The following UNC13C variants were observed in gnomAD, a reference collection of about 807,000 sequenced individuals.
UNC13C encodes the protein protein unc-13 homolog C.
A neutral mutation model predicts 245.4 loss-of-function variants in UNC13C; 174 were observed. The observed-to-expected ratio is 0.71, with a 90% CI of 0.63 to 0.80. The LOEUF (loss-of-function observed/expected upper bound fraction) is 0.80. UNC13C is among the 30% of genes least tolerant of loss of function. UNC13C has a pLI of 0.00. For synonymous variants in UNC13C, 992 were observed against 895.1 expected (o/e 1.11, Z -1.93); for missense variants, 2,829 against 2,602.9 (o/e 1.09, Z -1.89).
intron 19 of UNC13C, among the ~76,000 whole-genome samples, chr15:54,427,129 T>G (rs72734796): frequency 0.019 from 2,816 of 151,914 alleles, 43 homozygotes; most frequent in Non-Finnish European, 0.03. Context: ...AATTTCTTCC[T>G]TTACTATTGA....
At chr15:54,450,151 C>G (rs1282751299) in intron 19 of UNC13C, among the ~76,000 whole-genome samples, 1 of 152,124 alleles carries the variant, frequency 6.6e-6, no homozygotes, top group Non-Finnish European at 1.5e-5. Context: ...AGAGGGCTAC[C>G]CAGCCACGAT....
At chr15:54,612,358 ATTTC>A (rs1900152865) in intron 30 of UNC13C, among the ~76,000 whole-genome samples, 1 of 152,006 alleles carries the variant, frequency 6.6e-6, no homozygotes, top group East Asian at 1.9e-4. Flanking sequence ...TGAATTGTCT[ATTTC>A]TTTCTTCATT....
the UNC13C span, chr15:53,914,520 G>C: frequency 6.6e-6 from 1 of 152,142 alleles, no homozygotes; most frequent in East Asian, 1.9e-4. Context: ...AGCTTGGATT[G>C]CTTGTGCCCA....
At chr15:54,120,035 C>G (rs999973138) in intron 2 of UNC13C, among the ~76,000 whole-genome samples, 1 of 152,188 alleles carries the variant, frequency 6.6e-6, no homozygotes, top group Non-Finnish European at 1.5e-5. Context: ...GAAACAAGTG[C>G]TTATGCAGAA....
At chr15:54,616,637 A>G (rs2141299747) in intron 30 of UNC13C, among the ~76,000 whole-genome samples, 1 of 152,234 alleles carries the variant, frequency 6.6e-6, no homozygotes, top group South Asian at 2.1e-4. Flanking sequence ...AAGAAAGATG[A>G]TGTTTTTATA....
At chr15:54,607,402 G>C (rs1899825313) in intron 30 of UNC13C, among the ~76,000 whole-genome samples, 1 of 152,116 alleles carries the variant, frequency 6.6e-6, no homozygotes, top group Admixed American at 6.6e-5. Context: ...ACATTCTTTA[G>C]AAAGAAAAAA....
intron 10 of UNC13C, among the ~76,000 whole-genome samples, chr15:54,286,736 T>C (rs2037160031): frequency 6.6e-6 from 1 of 152,250 alleles, no homozygotes; most frequent in Admixed American, 6.5e-5. Flanking sequence ...CAAAAGGAAA[T>C]TGGCCAAATA....
intron 2 of UNC13C, among the ~76,000 whole-genome samples, chr15:54,112,110 A>G (rs1281103186): frequency 6.6e-6 from 1 of 152,156 alleles, no homozygotes; most frequent in East Asian, 1.9e-4. Flanking sequence ...TCTACTTTCT[A>G]AAAGAAGGAA....
intron 4 of UNC13C, among the ~76,000 whole-genome samples, chr15:54,198,429 C>T (rs114193407): frequency 0.015 from 2,208 of 152,246 alleles, 65 homozygotes; most frequent in African/African-American, 0.05. Flanking sequence ...TAAACAAAAA[C>T]ACAACCAAGG....
chr15:54,056,106 C>T (rs570669549), intron 2 of UNC13C, among the ~76,000 whole-genome samples: 39 of 152,154 alleles, frequency 2.6e-4, no homozygotes, highest in East Asian at 1.2e-3. Flanking sequence ...CAAAGCTGGA[C>T]GGAGAATGAC....
At position 54,499,558 on chromosome 15, in the gene UNC13C, T is replaced by C. The variant is rs965464983; in HGVS notation, c.5061-521T>C. The stretch of plus-strand genomic sequence containing the variant: ...AAAGGGTGTTCTAAATAAATGGTGC[T>C]AGATCAACTGGGCACACATACAGAA... On this transcript the variant is annotated intron_variant, in intron 20 of 32. Transcript: ENST00000260323. 3.6e-4 allele frequency among the ~76,000 whole-genome samples: 55 copies of C among 152,226 alleles called. 1 individual carries two copies. The highest frequency in any genetic ancestry group is 5.2e-4 in the Admixed American group (8 of 15,258).
At chr15:53,983,226 T>C (rs1049464235) in intron 1 of UNC13C, among the ~76,000 whole-genome samples, 4 of 152,104 alleles carry the variant, frequency 2.6e-5, no homozygotes, top group African/African-American at 7.2e-5. Context: ...TGTGGAACAA[T>C]GCTTTTAAAA....
At chr15:54,063,768 T>G (rs969380735) in intron 2 of UNC13C, among the ~76,000 whole-genome samples, 1 of 152,204 alleles carries the variant, frequency 6.6e-6, no homozygotes, top group Non-Finnish European at 1.5e-5. Context: ...TCCACAAATC[T>G]TTTTGGTGCA....
At chr15:53,871,163 G>A in the UNC13C span, among the ~76,000 whole-genome samples, 1 of 152,004 alleles carries the variant, frequency 6.6e-6, no homozygotes, top group South Asian at 2.1e-4. Context: ...GCTGATATGG[G>A]TCCTGAATGT....
chr15:54,474,478 T>C (rs1289220683), intron 19 of UNC13C, among the ~76,000 whole-genome samples: 3 of 151,874 alleles, frequency 2.0e-5, no homozygotes, highest in Non-Finnish European at 4.4e-5. Flanking sequence ...GTCATTTTTT[T>C]TGAGAAATTA....
intron 4 of UNC13C, among the ~76,000 whole-genome samples, chr15:54,231,773 C>A (rs939107687): frequency 1.3e-5 from 2 of 151,970 alleles, no homozygotes; most frequent in East Asian, 1.9e-4. Context: ...TCTTATCAGA[C>A]CTTACCTTTA....
intron 17 of UNC13C, among the ~76,000 whole-genome samples, chr15:54,377,968 C>T (rs529007233): frequency 1.3e-5 from 2 of 152,090 alleles, no homozygotes; most frequent in Non-Finnish European, 1.5e-5. Flanking sequence ...TTAACAAATG[C>T]ACAGGGCATG....
At chr15:53,955,454 G>T in the UNC13C span, among the ~76,000 whole-genome samples, 2 of 152,158 alleles carry the variant, frequency 1.3e-5, no homozygotes, top group Non-Finnish European at 2.9e-5. Context: ...TCATTAGAAA[G>T]ATATAAGTAG....
rs16974987 is a variant in UNC13C at position 54,621,480 on chromosome 15, G to A, written c.6107-847G>A. ...TGTTTTATTTTCCAAGCCTGTAGTCGTTGATGTAGTGACAGCTTTATCTAC... is the reference window on the plus strand; with the variant it reads ...TGTTTTATTTTCCAAGCCTGTAGTCATTGATGTAGTGACAGCTTTATCTAC... On this transcript the variant is annotated intron_variant, in intron 30 of 32. Transcript: ENST00000260323. 6.3e-3 allele frequency among the ~76,000 whole-genome samples: 864 copies of A among 137,720 alleles called. 8 individuals carry two copies. Among genetic ancestry groups the A allele is most frequent in the African/African-American group, 0.022 (821 of 36,644 alleles). The allele number at this position is 137,720 out of a possible 152,430, so 90.3% of individuals were successfully genotyped here. A position where few individuals can be genotyped will look rare whatever the true frequency, so the allele number is the denominator to read the frequency against.
Sources: allele counts gnomAD v4.1 joint callset (sites outside exome capture counted in the v4.1 genomes callset), GRCh38; gene constraint gnomAD v4.1.1; transcripts MANE v1.5; gene names NCBI Gene and HGNC (gene_info 2026-07-23, HGNC 2026-07-21).